CSMD1: variants seen among roughly 807,000 people sequenced by gnomAD.
CSMD1 encodes the protein CUB and Sushi multiple domains 1, also known as CUB and sushi domain-containing protein 1.
Under a neutral mutation model 417.5 loss-of-function variants are expected in CSMD1, and 213 were observed. That is an observed-to-expected ratio of 0.51 (90% confidence interval 0.46 to 0.57). The LOEUF (loss-of-function observed/expected upper bound fraction) is 0.57. Among genes scored for constraint, CSMD1 ranks in the 20% least tolerant of loss-of-function variants. CSMD1 has a pLI of 0.00. For missense variants in CSMD1, 6,923 were observed against 4,529.7 expected (o/e 1.53, Z -15.17); for synonymous variants, 2,862 against 1,736.8 (o/e 1.65, Z -16.11).
At position 3,999,215 on chromosome 8, in the gene CSMD1, C is replaced by T. The variant is rs192000537; in HGVS notation, c.611-1105G>A. Among the ~76,000 whole-genome samples, 12 of 151,860 alleles carry T rather than the reference C, an allele frequency of 7.9e-5. No homozygotes were observed. The East Asian group carries it at 1.9e-3, about 25-fold the overall frequency. ...CTATCCATAATATATATTTAACAGT[C>T]ATTAATTCTGATACTGCAATGTGGA... On this transcript the variant is annotated intron_variant, in intron 4 of 69. Transcript: ENST00000635120.
At chr8:4,603,831 A>G (rs1181086371) in intron 2 of CSMD1, among the ~76,000 whole-genome samples, 3 of 152,188 alleles carry the variant, frequency 2.0e-5, no homozygotes, top group African/African-American at 2.4e-5. Flanking sequence ...CATTTTAAAT[A>G]TTGAAGAATG....
intron 24 of CSMD1, 103 bp downstream of exon 24, chr8:3,308,209 G>T: frequency 1.1e-6 from 1 of 873,468 alleles, no homozygotes; most frequent in Non-Finnish European, 1.8e-6. Context: ...TGGAAAGTGT[G>T]ATAAAATTCC....
chr8:3,405,900 A>G (rs1396697000), intron 15 of CSMD1, 127 bp downstream of exon 15: 5 of 816,686 alleles, frequency 6.1e-6, no homozygotes, highest in Non-Finnish European at 7.6e-6. Flanking sequence ...CTGTTGGTTA[A>G]GTGACTGTGT....
intron 22 of CSMD1, among the ~76,000 whole-genome samples, chr8:3,346,684 C>T (rs1481641033): frequency 2.0e-5 from 3 of 152,284 alleles, no homozygotes; most frequent in Admixed American, 6.5e-5. Context: ...AAGTGGAGCC[C>T]GGCGGGGGCT....
intron 40 of CSMD1, among the ~76,000 whole-genome samples, chr8:3,146,717 T>C (rs932304427): frequency 2.6e-5 from 4 of 152,194 alleles, no homozygotes; most frequent in African/African-American, 9.6e-5. Context: ...AGGCAGGGTA[T>C]AGAAAACAGC....
intron 2 of CSMD1, among the ~76,000 whole-genome samples, chr8:4,607,253 C>A (rs1328571292): frequency 6.6e-6 from 1 of 151,376 alleles, no homozygotes; most frequent in Non-Finnish European, 1.5e-5. Flanking sequence ...GATAATTCTG[C>A]TAGTGATAAG....
chr8:3,661,775 G>A (rs567699490), intron 7 of CSMD1, among the ~76,000 whole-genome samples: 1 of 152,160 alleles, frequency 6.6e-6, no homozygotes, highest in Non-Finnish European at 1.5e-5. Flanking sequence ...GGGGTGACAG[G>A]CCTGAGCCAC....
At chr8:4,498,094 T>A (rs772975644) in intron 2 of CSMD1, among the ~76,000 whole-genome samples, 5 of 152,154 alleles carry the variant, frequency 3.3e-5, no homozygotes, top group Non-Finnish European at 5.9e-5. Flanking sequence ...ATTTTAGTCC[T>A]CAAACATGGA....
chr8:3,088,795 G>C (rs1007491181), intron 48 of CSMD1, among the ~76,000 whole-genome samples: 5 of 134,794 alleles, frequency 3.7e-5, no homozygotes, highest in African/African-American at 1.4e-4. Context: ...CAAAGTATGA[G>C]TACAATCAGG....
intron 3 of CSMD1, among the ~76,000 whole-genome samples, chr8:4,144,222 G>C (rs1295226451): frequency 6.6e-6 from 1 of 150,880 alleles, no homozygotes; most frequent in Non-Finnish European, 1.5e-5. Context: ...CTTCTTCCTT[G>C]ATTCAGCACA....
intron 2 of CSMD1, among the ~76,000 whole-genome samples, chr8:4,548,328 T>A (rs903770627): frequency 1.3e-5 from 2 of 152,202 alleles, no homozygotes; most frequent in African/African-American, 4.8e-5. Context: ...ATTTTAATAA[T>A]ATCACCCCAA....
intron 3 of CSMD1, among the ~76,000 whole-genome samples, chr8:4,070,442 C>T (rs2554693): frequency 6.6e-6 from 1 of 151,964 alleles, no homozygotes; most frequent in African/African-American, 2.4e-5. Flanking sequence ...ACTGCAAGCT[C>T]CGCCTCCCGG....
At chr8:3,750,440 T>C (rs1036323347) in intron 6 of CSMD1, among the ~76,000 whole-genome samples, 14 of 151,956 alleles carry the variant, frequency 9.2e-5, no homozygotes, top group Middle Eastern at 3.4e-3. Flanking sequence ...GTTTACATTA[T>C]GTAAGTTTTC....
At chr8:3,409,680 T>C in intron 12 of CSMD1, 75 bp from the exon 13 acceptor site, 1 of 1,187,738 alleles carries the variant, frequency 8.4e-7, no homozygotes, top group Non-Finnish European at 1.1e-6. Flanking sequence ...ACTTAGAAAG[T>C]AAATACGTGG....
chr8:3,524,541 GCACACACATGCA>G (rs1397777812), intron 10 of CSMD1, among the ~76,000 whole-genome samples: 1 of 131,826 alleles, frequency 7.6e-6, no homozygotes, highest in Non-Finnish European at 1.6e-5. Context: ...GCACACACAA[GCACACACATGCA>G]CACACACATG....
rs1016245255 is a variant in CSMD1, at chr8:4,526,285, C to T, written c.303-106220G>A. Among the ~76,000 whole-genome samples the T allele has an allele frequency of 1.6e-4, 24 of 152,258 alleles. No homozygotes were observed. The East Asian group carries it at 4.6e-3, about 29-fold the overall frequency. On this transcript the variant is annotated intron_variant, in intron 2 of 69. Transcript: ENST00000635120. ...GCAAACATCCTTTGCAATTACCAAGCTCTACATAATAGGAAATGTATTAAT... is the reference window on the plus strand; with the variant it reads ...GCAAACATCCTTTGCAATTACCAAGTTCTACATAATAGGAAATGTATTAAT...
At chr8:4,671,418 A>G (rs1363242413) in intron 1 of CSMD1, among the ~76,000 whole-genome samples, 1 of 152,236 alleles carries the variant, frequency 6.6e-6, no homozygotes, top group Non-Finnish European at 1.5e-5. Flanking sequence ...TCATGAGGAG[A>G]AAAATTAACA....
At chr8:4,707,038 T>C (rs970662831) in intron 1 of CSMD1, among the ~76,000 whole-genome samples, 2 of 152,178 alleles carry the variant, frequency 1.3e-5, no homozygotes, top group Non-Finnish European at 2.9e-5. Context: ...AGATCTAACT[T>C]AAGGACTTAA....
intron 3 of CSMD1, among the ~76,000 whole-genome samples, chr8:4,113,199 C>T (rs376961002): frequency 2.0e-5 from 3 of 151,944 alleles, no homozygotes; most frequent in Admixed American, 6.6e-5. Flanking sequence ...TATTGAAATT[C>T]GGACAGTTAA....
Sources: gnomAD v4.1 joint callset for allele counts (sites outside exome capture counted in the v4.1 genomes callset) on GRCh38, gnomAD v4.1.1 for gene constraint, MANE v1.5 for transcripts, NCBI Gene and HGNC (gene_info 2026-07-23, HGNC 2026-07-21) for gene names.